PPP3CB: variants seen among roughly 807,000 people sequenced by gnomAD.
The protein encoded by PPP3CB is protein phosphatase 3 catalytic subunit beta, also known as serine/threonine-protein phosphatase 2B catalytic subunit beta isoform.
Under a neutral mutation model 66.4 loss-of-function variants are expected in PPP3CB, and 8 were observed. That is an observed-to-expected ratio of 0.12 (90% CI 0.07 to 0.22). PPP3CB has a LOEUF of 0.22. Ranked by LOEUF, PPP3CB falls within the 10% of genes least tolerant of loss-of-function variation. The pLI is 1.00. For missense variants in PPP3CB, 319 were observed against 642.5 expected (o/e 0.50, Z 5.44); for synonymous variants, 208 against 221.2 (o/e 0.94, Z 0.53).
Position 73,495,825 on chromosome 10 carries a change from C to A in PPP3CB, c.65G>T (p.Gly22Val). Residue 22 changes from glycine (G) to valine (V), a missense_variant, in exon 1 of 14, where the codon GGG becomes GTG. Gly to Val is a moderately radical substitution (Grantham distance 109). This residue lies in a region of PPP3CB where 104 missense variants were observed against 128.4 expected (regional missense o/e 0.81). Coordinates refer to ENST00000360663, the MANE Select transcript of PPP3CB (RefSeq NM_021132.4). ...PPPPPPPPPP[G>V]ADRVVKAVPF... The stretch of plus-strand genomic sequence containing the variant: ...CTCACCTTTGACGACGCGGTCAGCC[C>A]CGGGAGGGGGCGGCGGGGGCGGGGG... 6.5e-7 allele frequency: 1 copy of A among 1,534,966 alleles called. No individual in the cohort carries two copies. Among genetic ancestry groups the A allele is most frequent in the Non-Finnish European group, 8.8e-7 (1 of 1,140,198 alleles).
At chr10:73,470,815 G>A in intron 7 of PPP3CB, 34 bp from the exon 8 acceptor site, 1 of 1,584,782 alleles carries the variant, frequency 6.3e-7, no homozygotes, top group South Asian at 1.1e-5. Flanking sequence ...GCATCGTAAA[G>A]CATCAATCAT....
At chr10:73,469,735 G>C (rs1046852510) in intron 8 of PPP3CB, among the ~76,000 whole-genome samples, 5 of 152,118 alleles carry the variant, frequency 3.3e-5, no homozygotes, top group Admixed American at 6.5e-5. Flanking sequence ...AACTTCCTCT[G>C]TTCCTCTTTT....
rs763806354 is a variant in PPP3CB, at chr10:73,495,852, G to T, written c.38C>A (p.Pro13Gln). 1.4e-6 allele frequency: 2 copies of T among 1,466,974 alleles called. No homozygotes were observed. The allele number at this position is 1,466,974 out of a possible 1,614,324, so 90.9% of individuals were successfully genotyped here. A position where few individuals can be genotyped will look rare whatever the true frequency, so the allele number is the denominator to read the frequency against. Residue 13 changes from proline to glutamine, a missense_variant, in exon 1 of 14, where the codon CCA becomes CAA. Physicochemically the swap from Pro to Gln is moderately conservative, Grantham distance 76 (BLOSUM62 -1). Transcript: ENST00000360663. ...GGGAGGGGGCGGCGGGGGCGGGGGTGGGGGCGGTGCAGCCCGGGCCGGCTC... is the reference window on the plus strand; with the variant it reads ...GGGAGGGGGCGGCGGGGGCGGGGGTTGGGGCGGTGCAGCCCGGGCCGGCTC... The part of the protein sequence containing the change: ...APEPARAAPP[P>Q]PPPPPPPPGA...
chr10:73,466,466 T>C (rs187682985), intron 9 of PPP3CB, among the ~76,000 whole-genome samples: 46 of 152,264 alleles, frequency 3.0e-4, no homozygotes, highest in Admixed American at 5.2e-4. Flanking sequence ...GATGAATTAT[T>C]TAATTCATCT....
chr10:73,481,025 T>C (rs1001821654), intron 1 of PPP3CB, among the ~76,000 whole-genome samples: 56 of 152,294 alleles, frequency 3.7e-4, no homozygotes, highest in African/African-American at 1.3e-3. Flanking sequence ...AAAATCAGCT[T>C]GGACTGAAGC....
intron 10 of PPP3CB, among the ~76,000 whole-genome samples, 156 bp downstream of exon 10, chr10:73,454,256 A>T (rs2056389658): frequency 6.6e-6 from 1 of 152,178 alleles, no homozygotes; most frequent in African/African-American, 2.4e-5. Context: ...ATTATTTTCA[A>T]ATCTTAATAT....
At chr10:73,474,301 A>C (rs1294763198) in intron 4 of PPP3CB, among the ~76,000 whole-genome samples, 1 of 152,088 alleles carries the variant, frequency 6.6e-6, no homozygotes, top group East Asian at 1.9e-4. Flanking sequence ...TCGGCCTCCC[A>C]AAGTGCTGGG....
chr10:73,462,645 C>T (rs541128836), intron 9 of PPP3CB, among the ~76,000 whole-genome samples: 2 of 152,016 alleles, frequency 1.3e-5, no homozygotes, highest in Admixed American at 1.3e-4. Context: ...AGGGATTTGA[C>T]TAGTAAGAAA....
chr10:73,467,391 A>C (rs929428516), intron 9 of PPP3CB, 162 bp downstream of exon 9: 2 of 467,698 alleles, frequency 4.3e-6, no homozygotes, highest in African/African-American at 4.1e-5. Flanking sequence ...GCTAACTAAA[A>C]TATCTTTGAG....
chr10:73,468,698 G>C (rs932420908), intron 8 of PPP3CB, among the ~76,000 whole-genome samples: 1 of 152,020 alleles, frequency 6.6e-6, no homozygotes, highest in Non-Finnish European at 1.5e-5. Flanking sequence ...GGCTAATAGA[G>C]AATCAAAAGT....
chr10:73,472,973 G>A (rs970569754), intron 4 of PPP3CB, among the ~76,000 whole-genome samples: 1 of 152,052 alleles, frequency 6.6e-6, no homozygotes, highest in African/African-American at 2.4e-5. Flanking sequence ...AAAGAACTTA[G>A]TTCCTATTTC....
At chr10:73,488,839 C>T (rs1004387684) in intron 1 of PPP3CB, among the ~76,000 whole-genome samples, 1 of 152,120 alleles carries the variant, frequency 6.6e-6, no homozygotes, top group Non-Finnish European at 1.5e-5. Context: ...ACTCTAAGTC[C>T]TATTGATTCT....
At chr10:73,485,943 TGTGTG>T (rs2056966815) in intron 1 of PPP3CB, among the ~76,000 whole-genome samples, 4 of 142,476 alleles carry the variant, frequency 2.8e-5, no homozygotes, top group Admixed American at 2.2e-4. Flanking sequence ...TGTGTGTGTG[TGTGTG>T]TGTATTTTTT....
rs1464341312 is a variant in PPP3CB at position 73,489,468 on chromosome 10, G to A, written c.85+6337C>T. 2.0e-5 allele frequency among the ~76,000 whole-genome samples: 3 copies of A among 149,700 alleles called. No homozygotes were observed. The East Asian group carries it at 5.9e-4, about 29-fold the overall frequency. ...ACCATTGGTTGAGTACTTACCATGT[G>A]CCAGGCCAGGAACTGTGGTACCTAC... is the stretch of plus-strand genomic sequence containing the variant. On this transcript the variant is annotated intron_variant, in intron 1 of 13. Transcript: ENST00000360663.
Position 73,454,427 on chromosome 10 carries a change from C to T in PPP3CB, c.1171G>A (p.Glu391Lys). 1 of 1,608,750 alleles carries T rather than the reference C, an allele frequency of 6.2e-7. No homozygotes were observed. The highest frequency in any genetic ancestry group is 8.5e-7 in the Non-Finnish European group (1 of 1,176,278). The stretch of plus-strand genomic sequence containing the variant: ...ATAATCATACCATCAAACTGGTCTT[C>T]ACCTTCAGTCATTAGTTCATCATCA... ...CSDDELMTEG[E>K]DQFDGSAAAR... is the part of the protein sequence containing the mutation. Residue 391 changes from glutamate (E) to lysine (K), a missense_variant, in exon 10 of 14, where the codon GAA becomes AAA. By Grantham distance (56) the Glu-to-Lys change is moderately conservative. Transcript: ENST00000360663.
At chr10:73,442,740 AAAAG>A (rs955755139) in intron 12 of PPP3CB, among the ~76,000 whole-genome samples, 10 of 152,108 alleles carry the variant, frequency 6.6e-5, no homozygotes, top group African/African-American at 2.2e-4. Flanking sequence ...GAAAATCAAA[AAAAG>A]AAACCTCATT....
intron 1 of PPP3CB, among the ~76,000 whole-genome samples, chr10:73,484,091 T>C (rs1005969716): frequency 1.3e-5 from 2 of 151,926 alleles, no homozygotes; most frequent in African/African-American, 4.8e-5. Context: ...TGTAGTGAGC[T>C]GAGATCGTGC....
intron 13 of PPP3CB, among the ~76,000 whole-genome samples, chr10:73,439,477 T>C (rs2056113175): frequency 6.6e-6 from 1 of 152,110 alleles, no homozygotes; most frequent in Non-Finnish European, 1.5e-5. Context: ...AGGATTCACT[T>C]AGGGAAAAAA....
At chr10:73,491,374 A>G (rs972187452) in intron 1 of PPP3CB, among the ~76,000 whole-genome samples, 1 of 151,944 alleles carries the variant, frequency 6.6e-6, no homozygotes, top group African/African-American at 2.4e-5. Context: ...CATGTTGGCC[A>G]GGCTAGTCTC....
Sources: allele counts gnomAD v4.1 joint callset (sites outside exome capture counted in the v4.1 genomes callset), GRCh38; gene constraint gnomAD v4.1.1; regional missense constraint gnomAD v4.1.1; transcripts MANE v1.5; gene names NCBI Gene and HGNC (gene_info 2026-07-23, HGNC 2026-07-21).